CNTNAP1: variants seen among roughly 807,000 people sequenced by gnomAD.
CNTNAP1 encodes contactin-associated protein 1.
A neutral mutation model predicts 161.5 loss-of-function variants in CNTNAP1; 80 were observed. The ratio of observed to expected loss-of-function variants is 0.50; its 90% confidence interval spans 0.41 to 0.60. CNTNAP1 has a LOEUF of 0.60. Ranked by LOEUF, CNTNAP1 falls within the 20% of genes least tolerant of loss-of-function variation. The pLI, the probability that CNTNAP1 is intolerant of heterozygous loss-of-function variation, is 0.00. For synonymous variants in CNTNAP1, 695 were observed against 733.1 expected (o/e 0.95, Z 0.84); for missense variants, 1,464 against 1,854.8 (o/e 0.79, Z 3.87).
chr17:42,697,672 A>G lies in CNTNAP1; in HGVS notation c.3687A>G (p.Arg1229=). The G allele has an allele frequency of 1.2e-6, 2 of 1,614,114 alleles. No homozygotes were observed. The highest frequency in any genetic ancestry group is 1.7e-6 in the Non-Finnish European group (2 of 1,180,010). Residue 1229 remains arginine (R), a synonymous_variant, in exon 22 of 24, where the codon CGA becomes CGG. Transcript: ENST00000264638. ...APLKTHFRTP[R]PMTAELAEAL... Reference sequence around the variant, plus strand: ...TCAAGACCCACTTCCGAACCCCTCGACCCATGACTGCTGAGCTAGCTGAGG... The same window carrying G: ...TCAAGACCCACTTCCGAACCCCTCGGCCCATGACTGCTGAGCTAGCTGAGG...
In CNTNAP1 at chr17:42,688,080, G is replaced by A. The variant is rs2053040994; in HGVS notation, c.1306+99G>A. 3.3e-6 allele frequency: 5 copies of A among 1,494,076 alleles called. No individual in the cohort carries two copies. The Admixed American group carries it at 8.7e-5, about 26-fold the overall frequency. The allele number at this position is 1,494,076 out of a possible 1,614,324, so 92.6% of individuals were successfully genotyped here. On this transcript the variant is annotated intron_variant, in intron 8 of 23. Transcript: ENST00000264638. ...CTGAGGCCTTTACATTCTGGAGAGG[G>A]GAGAGGAGTGAAGGGGGCAGGGCAG... is the stretch of plus-strand genomic sequence containing the variant.
In CNTNAP1 at chr17:42,691,886, G is replaced by GC; in HGVS notation, c.2425_2426insC (p.Val809AlafsTer45). The GC allele has an allele frequency of 6.2e-7, 1 of 1,614,164 alleles. No homozygotes were observed. The highest frequency in any genetic ancestry group is 8.5e-7 in the Non-Finnish European group (1 of 1,180,012). ...AATCCGTGCCAACCACAGCCTGGATGTCTCCTTCTACTTCAGGACCTCTGC... is the reference window on the plus strand; with the variant it reads ...AATCCGTGCCAACCACAGCCTGGATGCTCTCCTTCTACTTCAGGACCTCTGC... On this transcript the variant is annotated frameshift_variant, in exon 16 of 24. Transcript: ENST00000264638. LOFTEE classifies it high-confidence loss of function. The surrounding 1 kb of genome is among the most constrained non-coding windows in gnomAD (Gnocchi z 4.3).
chr17:42,693,226 T>G, intron 17 of CNTNAP1, 71 bp from the exon 18 acceptor site: 1 of 1,583,892 alleles, frequency 6.3e-7, no homozygotes, highest in East Asian at 2.3e-5. Flanking sequence ...CCCAAAGTGC[T>G]GGGATTACAG....
rs972382525 is a variant in CNTNAP1 at position 42,691,813 on chromosome 17, C to T, written c.2352C>T (p.Ser784=). ...CTCCATCTGCTTTTCTAGGAAATTC[C>T]TGGAACACCATTTCCTTCCACACCG... The part of the protein sequence containing the change: ...RPLRCYGDRN[S]WNTISFHTGA... Residue 784 remains serine, a synonymous_variant, in exon 16 of 24, where the codon TCC becomes TCT. Transcript: ENST00000264638. This position sits in a 1 kb window ranked among gnomAD's most constrained non-coding sequence, Gnocchi z 4.3. 5.6e-6 allele frequency: 9 copies of T among 1,614,034 alleles called. No individual in the cohort carries two copies. The highest frequency in any genetic ancestry group is 1.7e-5 in the Admixed American group (1 of 60,010).
chr17:42,691,690 T>A lies in CNTNAP1; in HGVS notation c.2345-116T>A. 1 of 1,340,770 alleles carries A rather than the reference T, an allele frequency of 7.5e-7. No homozygotes were observed. The highest frequency in any genetic ancestry group is 1.0e-6 in the Non-Finnish European group (1 of 952,686). The allele number at this position is 1,340,770 out of a possible 1,614,324, so 83.1% of individuals were successfully genotyped here. A position where few individuals can be genotyped will look rare whatever the true frequency, so the allele number is the denominator to read the frequency against. On this transcript the variant is annotated intron_variant, in intron 15 of 23. Coordinates refer to ENST00000264638, the MANE Select transcript of CNTNAP1 (RefSeq NM_003632.3). This position sits in a 1 kb window ranked among gnomAD's most constrained non-coding sequence, Gnocchi z 4.3. ...TTTCATTCCACTCCTTAGTCTCCCC[T>A]CCGTCACCTCAAACCCTCCCCCTTT...
In CNTNAP1 at chr17:42,697,622, GTTCGA is replaced by G; in HGVS notation, c.3641_3645del (p.Arg1214GlnfsTer19). 1 of 1,614,116 alleles carries G rather than the reference GTTCGA, an allele frequency of 6.2e-7. No homozygotes were observed. Among genetic ancestry groups the G allele is most frequent in the Non-Finnish European group, 8.5e-7 (1 of 1,180,016 alleles). On this transcript the variant is annotated frameshift_variant, in exon 22 of 24. Coordinates refer to ENST00000264638, the MANE Select transcript of CNTNAP1 (RefSeq NM_003632.3). LOFTEE classifies it high-confidence loss of function. ...AGGTTTCTCAGGCTGCCTGTCTGGTGTTCGATTCAACAACGTGGCTCCCCTCAAGA... is the reference window on the plus strand; with the variant it reads ...AGGTTTCTCAGGCTGCCTGTCTGGTGTTCAACAACGTGGCTCCCCTCAAGA...
At position 42,698,887 on chromosome 17, in the gene CNTNAP1, C is replaced by T. The variant is rs763291886; in HGVS notation, c.4132C>T (p.Leu1378=). Residue 1378 remains leucine (L), a synonymous_variant, in exon 24 of 24, where the codon CTG becomes TTG. Coordinates refer to ENST00000264638, the MANE Select transcript of CNTNAP1 (RefSeq NM_003632.3). ...GPRDQNLPQI[L]EESRSE is the part of the protein sequence containing the mutation. Reference sequence around the variant, plus strand: ...CCGGGATCAGAACCTACCCCAGATCCTGGAGGAGTCCAGGTCTGAATGAGT... The same window carrying T: ...CCGGGATCAGAACCTACCCCAGATCTTGGAGGAGTCCAGGTCTGAATGAGT... 1 of 1,558,724 alleles carries T rather than the reference C, an allele frequency of 6.4e-7. No homozygotes were observed. The highest frequency in any genetic ancestry group is 8.6e-7 in the Non-Finnish European group (1 of 1,157,834).
At chr17:42,686,840 A>G (rs1597805349) in intron 6 of CNTNAP1, 63 bp from the exon 7 acceptor site, 1 of 1,503,442 alleles carries the variant, frequency 6.7e-7, no homozygotes, top group Non-Finnish European at 9.0e-7. Context: ...TACGGCGGGG[A>G]CGCGCGAGAA....
rs2053191556 is a variant in CNTNAP1, at chr17:42,698,971, C to G, written c.*61C>G. The G allele has an allele frequency of 6.9e-7, 1 of 1,440,546 alleles. No homozygotes were observed. The highest frequency in any genetic ancestry group is 2.4e-5 in the East Asian group (1 of 42,540). 89.2% of individuals were successfully genotyped at this position (1,440,546 alleles called of 1,614,324 possible). ...ACATTCCCCCAGTCCTGCCTCTCCC[C>G]CATCCTATCAGGGACATTTGGCTCC... is the stretch of plus-strand genomic sequence containing the variant. On this transcript the variant is annotated 3_prime_UTR_variant, in exon 24 of 24. Coordinates refer to ENST00000264638, the MANE Select transcript of CNTNAP1 (RefSeq NM_003632.3).
At chr17:42,692,939 C>T (rs1203398429) in intron 17 of CNTNAP1, among the ~76,000 whole-genome samples, 2 of 151,894 alleles carry the variant, frequency 1.3e-5, no homozygotes, top group Non-Finnish European at 2.9e-5. Flanking sequence ...CTGTCTCTGG[C>T]TCTGCCTCCA....
At position 42,687,131 on chromosome 17, in the gene CNTNAP1, T is replaced by G; in HGVS notation, c.1044+85T>G. 1 of 1,533,954 alleles carries G rather than the reference T, an allele frequency of 6.5e-7. No homozygotes were observed. Among genetic ancestry groups the G allele is most frequent in the Non-Finnish European group, 8.9e-7 (1 of 1,129,166 alleles). On this transcript the variant is annotated intron_variant, in intron 7 of 23. Coordinates refer to ENST00000264638, the MANE Select transcript of CNTNAP1 (RefSeq NM_003632.3). The surrounding 1 kb of genome is among the most constrained non-coding windows in gnomAD (Gnocchi z 4.7). ...GTGGAGCGGGAAGAGATATTGAACA[T>G]CAGATAAAAGCGGAGAATCCCTCTG...
At chr17:42,688,411 T>C (rs1178321012) in intron 8 of CNTNAP1, 51 bp from the exon 9 acceptor site, 7 of 1,612,774 alleles carry the variant, frequency 4.3e-6, no homozygotes, top group Non-Finnish European at 5.1e-6. Context: ...AACATTCTTC[T>C]ACCCTAGTTG....
At position 42,687,077 on chromosome 17, in the gene CNTNAP1, G is replaced by A. The variant is rs983337201; in HGVS notation, c.1044+31G>A. 1 of 1,596,360 alleles carries A rather than the reference G, an allele frequency of 6.3e-7. No homozygotes were observed. Among genetic ancestry groups the A allele is most frequent in the Non-Finnish European group, 8.6e-7 (1 of 1,166,872 alleles). ...TGGGCAGGGGGGTCTGGGAGGACAG[G>A]ATATCAAAGCGTCGTGGAAAGCAAA... is the stretch of plus-strand genomic sequence containing the variant. On this transcript the variant is annotated intron_variant, in intron 7 of 23. Coordinates refer to ENST00000264638, the MANE Select transcript of CNTNAP1 (RefSeq NM_003632.3). This position sits in a 1 kb window ranked among gnomAD's most constrained non-coding sequence, Gnocchi z 4.7.
In CNTNAP1 at chr17:42,687,384, C is replaced by T. The variant is rs951105431; in HGVS notation, c.1045-336C>T. 5.5e-5 allele frequency: 28 copies of T among 509,190 alleles called. No individual in the cohort carries two copies. The highest frequency in any genetic ancestry group is 4.8e-4 in the African/African-American group (25 of 52,392). 31.5% of individuals were successfully genotyped at this position (509,190 alleles called of 1,614,324 possible). On this transcript the variant is annotated intron_variant, in intron 7 of 23. Transcript: ENST00000264638. This position sits in a 1 kb window ranked among gnomAD's most constrained non-coding sequence, Gnocchi z 4.7. The stretch of plus-strand genomic sequence containing the variant: ...GCTTCTCTGATATGCCCCCCTCAAC[C>T]CTCTCCGACTCTGGAGCTCTGTTGG...
Position 42,691,944 on chromosome 17 carries a change from G to A in CNTNAP1, c.2483G>A (p.Gly828Asp). The change falls in exon 16 of 24, where the codon GGC becomes GAC. Residue 828 changes from glycine to aspartate, a missense_variant. Physicochemically the swap from Gly to Asp is moderately conservative, Grantham distance 94. Transcript: ENST00000264638. This position sits in a 1 kb window ranked among gnomAD's most constrained non-coding sequence, Gnocchi z 4.3. ...GGGGTCTTCCTAGAGAATATGGGGG[G>A]CCCTTACTGCCAGTGGCGCCGACCT... The part of the protein sequence containing the change: ...PSGVFLENMG[G>D]PYCQWRRPYV... 1.9e-6 allele frequency: 3 copies of A among 1,614,114 alleles called. No homozygotes were observed. The highest frequency in any genetic ancestry group is 2.5e-6 in the Non-Finnish European group (3 of 1,180,004).
chr17:42,698,530 AGTGCGT>A, intron 23 of CNTNAP1, 82 bp from the exon 24 acceptor site: 2 of 1,039,726 alleles, frequency 1.9e-6, no homozygotes, highest in South Asian at 1.6e-5. Context: ...AATCTCAAAG[AGTGCGT>A]GTGTGTGTGT....
chr17:42,686,475 T>G (rs1483317337), intron 6 of CNTNAP1, among the ~76,000 whole-genome samples: 1 of 109,854 alleles, frequency 9.1e-6, no homozygotes, highest in Non-Finnish European at 1.8e-5. Context: ...GCCTGTTTTT[T>G]TTTTTTTTTT....
At chr17:42,683,272 G>T in intron 1 of CNTNAP1, 1 of 890,584 alleles carries the variant, frequency 1.1e-6, no homozygotes, top group Non-Finnish European at 1.4e-6. Context: ...AAGGGGTGGG[G>T]TTTGTGGCTA....
At position 42,691,551 on chromosome 17, in the gene CNTNAP1, ACT is replaced by A; in HGVS notation, c.2344+44_2344+45del. Reference sequence around the variant, plus strand: ...CCTTTTGTGTGCCCTCCCAGAGCTGACTCTCCAGTTTCCAAAATCTAGGCCGC... The same window carrying A: ...CCTTTTGTGTGCCCTCCCAGAGCTGACTCCAGTTTCCAAAATCTAGGCCGC... On this transcript the variant is annotated intron_variant, in intron 15 of 23. Coordinates refer to ENST00000264638, the MANE Select transcript of CNTNAP1 (RefSeq NM_003632.3). The surrounding 1 kb of genome is among the most constrained non-coding windows in gnomAD (Gnocchi z 4.3). 6.2e-7 allele frequency: 1 copy of A among 1,607,304 alleles called. No homozygotes were observed. The highest frequency in any genetic ancestry group is 8.5e-7 in the Non-Finnish European group (1 of 1,177,118).
Sources: allele counts gnomAD v4.1 joint callset (sites outside exome capture counted in the v4.1 genomes callset), GRCh38; gene constraint gnomAD v4.1.1; non-coding constraint Gnocchi (gnomAD v3.1); transcripts MANE v1.5; gene names NCBI Gene and HGNC (gene_info 2026-07-23, HGNC 2026-07-21).